The following BBX variants were observed in gnomAD, a reference collection of about 807,000 sequenced individuals.
BBX encodes BBX high mobility group box domain containing, also known as HMG box transcription factor BBX.
BBX carries 30 observed loss-of-function variants against 100.2 expected under a neutral mutation model. That is an observed-to-expected ratio of 0.30 (90% CI 0.22 to 0.41). BBX has a LOEUF of 0.41. BBX is among the 10% of genes least tolerant of loss of function. BBX has a pLI of 1.00. For synonymous variants in BBX, 376 were observed against 388.1 expected (o/e 0.97, Z 0.37); for missense variants, 1,023 against 1,129.8 (o/e 0.91, Z 1.35).
intron 6 of BBX, among the ~76,000 whole-genome samples, chr3:107,731,264 G>A (rs1194546399): frequency 2.6e-5 from 4 of 152,092 alleles, no homozygotes; most frequent in South Asian, 4.1e-4. Context: ...AAATTATCAC[G>A]TAATCATGTT....
At chr3:107,576,179 A>G (rs2051757375) in intron 2 of BBX, among the ~76,000 whole-genome samples, 1 of 152,250 alleles carries the variant, frequency 6.6e-6, no homozygotes, top group South Asian at 2.1e-4. Context: ...GGTTGCCATT[A>G]TTATCTTTGC....
intron 2 of BBX, among the ~76,000 whole-genome samples, chr3:107,586,891 C>G (rs560576284): frequency 6.6e-6 from 1 of 152,130 alleles, no homozygotes; most frequent in African/African-American, 2.4e-5. Flanking sequence ...GCTGGGACTA[C>G]AGACGCATGC....
chr3:107,794,440 A>G (rs368401358), intron 15 of BBX, among the ~76,000 whole-genome samples: 49 of 148,220 alleles, frequency 3.3e-4, no homozygotes, highest in African/African-American at 1.1e-3. Flanking sequence ...CACAACGGGG[A>G]AAAAAAAAAC....
At chr3:107,543,143 C>T (rs1200616677) in intron 2 of BBX, among the ~76,000 whole-genome samples, 4 of 152,118 alleles carry the variant, frequency 2.6e-5, no homozygotes, top group Non-Finnish European at 4.4e-5. Flanking sequence ...ATTCAGATAA[C>T]TTAAATCCAA....
intron 2 of BBX, among the ~76,000 whole-genome samples, chr3:107,594,734 T>A (rs934504540): frequency 2.0e-5 from 3 of 152,188 alleles, no homozygotes; most frequent in Admixed American, 6.5e-5. Flanking sequence ...ACACATGTCA[T>A]ATAATAATAG....
At chr3:107,735,162 T>G in intron 7 of BBX, among the ~76,000 whole-genome samples, 1 of 152,212 alleles carries the variant, frequency 6.6e-6, no homozygotes. Context: ...GAGAATTTAC[T>G]TCACAGCTAT....
intron 5 of BBX, among the ~76,000 whole-genome samples, chr3:107,723,216 A>T (rs1171012134): frequency 6.6e-6 from 1 of 151,946 alleles, no homozygotes; most frequent in Non-Finnish European, 1.5e-5. Flanking sequence ...TATTGAAAAG[A>T]TCTAGACTGT....
chr3:107,567,268 G>A (rs911867374), intron 2 of BBX, among the ~76,000 whole-genome samples: 1 of 151,954 alleles, frequency 6.6e-6, no homozygotes, highest in African/African-American at 2.4e-5. Flanking sequence ...ATGTCTCTTA[G>A]GTTGATTAGA....
chr3:107,543,546 A>G (rs976207979), intron 2 of BBX, among the ~76,000 whole-genome samples: 22 of 152,238 alleles, frequency 1.4e-4, no homozygotes, highest in African/African-American at 5.3e-4. Context: ...TAGTGGCACA[A>G]CATGATTTTA....
intron 11 of BBX, among the ~76,000 whole-genome samples, chr3:107,774,356 C>G (rs556676606): frequency 1.3e-5 from 2 of 152,192 alleles, no homozygotes; most frequent in African/African-American, 4.8e-5. Context: ...TATTTCATCC[C>G]CAGGGATGTC....
chr3:107,773,104 A>G lies in BBX; in HGVS notation c.1383A>G (p.Arg461=), dbSNP rs768406551. Residue 461 remains arginine, a synonymous_variant, in exon 11 of 18, where the codon CGA becomes CGG. Coordinates refer to ENST00000325805, the MANE Select transcript of BBX (RefSeq NM_001142568.3). This position sits in a 1 kb window ranked among gnomAD's most constrained non-coding sequence, Gnocchi z 4.1. ...KKKKKKSKMD[R]HGNDKSTPKK... ...AAAAGAAGAAAAGCAAAATGGATCG[A>G]CATGGAAATGATAAATCCACACCCA... 2.9e-5 allele frequency: 47 copies of G among 1,613,616 alleles called. No individual in the cohort carries two copies. The highest frequency in any genetic ancestry group is 3.9e-5 in the Non-Finnish European group (46 of 1,179,936).
intron 2 of BBX, among the ~76,000 whole-genome samples, chr3:107,529,856 A>G (rs992473132): frequency 6.6e-6 from 1 of 151,984 alleles, no homozygotes; most frequent in Non-Finnish European, 1.5e-5. Context: ...GGAAACAGGT[A>G]AGAATTGAAA....
chr3:107,708,277 A>G (rs368594100), intron 3 of BBX, among the ~76,000 whole-genome samples: 37 of 152,230 alleles, frequency 2.4e-4, no homozygotes, highest in Non-Finnish European at 5.4e-4. Context: ...CACACAAGTC[A>G]TGTAATTGCT....
intron 3 of BBX, among the ~76,000 whole-genome samples, chr3:107,677,733 T>C (rs1237672634): frequency 6.6e-6 from 1 of 152,192 alleles, no homozygotes; most frequent in Non-Finnish European, 1.5e-5. Context: ...TTTCCACTAA[T>C]TATATTTTTA....
chr3:107,621,487 A>T (rs2055763728), intron 2 of BBX, among the ~76,000 whole-genome samples: 1 of 152,188 alleles, frequency 6.6e-6, no homozygotes, highest in Non-Finnish European at 1.5e-5. Flanking sequence ...CTGCTTTTTA[A>T]TGTAGCAGAG....
Position 107,629,582 on chromosome 3 carries a change from GT to G in BBX, c.-83-16244del, listed in dbSNP as rs947866038. On this transcript the variant is annotated intron_variant, in intron 2 of 17. Coordinates refer to ENST00000325805, the MANE Select transcript of BBX (RefSeq NM_001142568.3). The stretch of plus-strand genomic sequence containing the variant: ...TCATTAACTTTTGGCCATGGGATAT[GT>G]TTTTTTTTTCCTTCTACAAACACAT... 9.4e-5 allele frequency among the ~76,000 whole-genome samples: 14 copies of G among 149,604 alleles called. No individual in the cohort carries two copies. In the East Asian group the frequency reaches 1.2e-3, roughly 13 times the overall value.
At chr3:107,589,213 A>G (rs192611782) in intron 2 of BBX, among the ~76,000 whole-genome samples, 57 of 152,350 alleles carry the variant, frequency 3.7e-4, no homozygotes, top group Non-Finnish European at 5.6e-4. Context: ...ATTTACACTT[A>G]GTGAGTAAGT....
At chr3:107,678,267 T>C (rs1302883591) in intron 3 of BBX, among the ~76,000 whole-genome samples, 2 of 152,100 alleles carry the variant, frequency 1.3e-5, no homozygotes, top group Non-Finnish European at 2.9e-5. Flanking sequence ...CACAGATTTT[T>C]GACATGCAGA....
In BBX at chr3:107,807,333, T is replaced by C. The variant is rs1451219067; in HGVS notation, c.*1876T>C. ...AAACGTTACAACTTAACCCCATTCA[T>C]GTAGGAATAAATCAAGTGAGCAGTT... On this transcript the variant is annotated 3_prime_UTR_variant, in exon 18 of 18. Coordinates refer to ENST00000325805, the MANE Select transcript of BBX (RefSeq NM_001142568.3). 6.6e-6 allele frequency: 1 copy of C among 152,188 alleles called. No individual in the cohort carries two copies. Among genetic ancestry groups the C allele is most frequent in the Non-Finnish European group, 1.5e-5 (1 of 68,034 alleles). 9.4% of individuals were successfully genotyped at this position (152,188 alleles called of 1,614,324 possible). A position where few individuals can be genotyped will look rare whatever the true frequency, so the allele number is the denominator to read the frequency against.
Sources: gnomAD v4.1 joint callset for allele counts (sites outside exome capture counted in the v4.1 genomes callset) on GRCh38, gnomAD v4.1.1 for gene constraint, Gnocchi (gnomAD v3.1) non-coding constraint, MANE v1.5 for transcripts, NCBI Gene and HGNC (gene_info 2026-07-23, HGNC 2026-07-21) for gene names.